Variants in CSMD1 observed in about 807,000 individuals in gnomAD.
CSMD1 encodes the protein CUB and Sushi multiple domains 1.
A neutral mutation model predicts 417.5 loss-of-function variants in CSMD1; 213 were observed. The observed-to-expected ratio is 0.51, with a 90% CI of 0.46 to 0.57. The LOEUF (loss-of-function observed/expected upper bound fraction) is 0.57, where lower values mean the gene tolerates loss of function less well. Among genes scored for constraint, CSMD1 ranks in the 20% least tolerant of loss-of-function variants. CSMD1 has a pLI of 0.00. For synonymous variants in CSMD1, 2,862 were observed against 1,736.8 expected (o/e 1.65, Z -16.11); for missense variants, 6,923 against 4,529.7 (o/e 1.53, Z -15.17).
At chr8:4,206,454 T>C (rs78497489) in intron 3 of CSMD1, among the ~76,000 whole-genome samples, 1 of 152,168 alleles carries the variant, frequency 6.6e-6, no homozygotes, top group South Asian at 2.1e-4. Flanking sequence ...TCTGTCCTTG[T>C]GATAGTTTGC....
intron 3 of CSMD1, among the ~76,000 whole-genome samples, chr8:4,297,101 C>T (rs1291292042): frequency 6.7e-6 from 1 of 149,988 alleles, no homozygotes; most frequent in African/African-American, 2.5e-5. Context: ...GACTCTAGAG[C>T]ATCGTAGGTG....
At chr8:4,393,491 A>G (rs1034961506) in intron 3 of CSMD1, among the ~76,000 whole-genome samples, 2 of 152,206 alleles carry the variant, frequency 1.3e-5, no homozygotes, top group African/African-American at 4.8e-5. Context: ...AGCAGCCACT[A>G]TGTAGATTTA....
intron 5 of CSMD1, among the ~76,000 whole-genome samples, chr8:3,930,071 C>G (rs907858409): frequency 2.0e-5 from 3 of 150,248 alleles, no homozygotes; most frequent in African/African-American, 7.4e-5. Flanking sequence ...GTTACCTAGG[C>G]ATGTTTTTCT....
chr8:3,243,510 T>C (rs1411847383), intron 26 of CSMD1, among the ~76,000 whole-genome samples: 1 of 151,708 alleles, frequency 6.6e-6, no homozygotes, highest in African/African-American at 2.4e-5. Context: ...GGTCACAAGA[T>C]GCTCAGCAGG....
At chr8:4,066,218 G>A (rs1032413914) in intron 3 of CSMD1, among the ~76,000 whole-genome samples, 1 of 152,170 alleles carries the variant, frequency 6.6e-6, no homozygotes, top group East Asian at 1.9e-4. Flanking sequence ...CCAGTCATGG[G>A]CAACGCCTCC....
At chr8:4,771,943 C>G (rs571374259) in intron 1 of CSMD1, among the ~76,000 whole-genome samples, 1 of 152,284 alleles carries the variant, frequency 6.6e-6, no homozygotes, top group African/African-American at 2.4e-5. Context: ...CCGGGGATCT[C>G]GTGATAATTC....
At chr8:3,725,172 C>T (rs1041579677) in intron 6 of CSMD1, among the ~76,000 whole-genome samples, 6 of 152,070 alleles carry the variant, frequency 3.9e-5, no homozygotes, top group Admixed American at 3.9e-4. Context: ...GAGCTGTGCC[C>T]TGAAGGCAAG....
At chr8:3,668,169 C>A (rs1585044856) in intron 7 of CSMD1, among the ~76,000 whole-genome samples, 1 of 152,108 alleles carries the variant, frequency 6.6e-6, no homozygotes, top group Admixed American at 6.6e-5. Flanking sequence ...TGCAGAGGGG[C>A]TGACCTCTGA....
At chr8:4,400,067 T>C (rs1804544402) in intron 3 of CSMD1, among the ~76,000 whole-genome samples, 1 of 152,156 alleles carries the variant, frequency 6.6e-6, no homozygotes, top group African/African-American at 2.4e-5. Context: ...AGTATCAGCA[T>C]GCCAAAAGAG....
chr8:3,676,976 G>C (rs186312773), intron 7 of CSMD1, among the ~76,000 whole-genome samples: 1 of 152,060 alleles, frequency 6.6e-6, no homozygotes, highest in Non-Finnish European at 1.5e-5. Flanking sequence ...ACACAGGGAG[G>C]GGAACATCAT....
chr8:4,054,693 G>A (rs954317365), intron 3 of CSMD1, among the ~76,000 whole-genome samples: 1 of 152,124 alleles, frequency 6.6e-6, no homozygotes, highest in Non-Finnish European at 1.5e-5. Context: ...GAATACATGT[G>A]AATTCCTGAG....
chr8:3,801,982 G>A (rs966585821), intron 5 of CSMD1, among the ~76,000 whole-genome samples: 2 of 152,048 alleles, frequency 1.3e-5, no homozygotes, highest in Non-Finnish European at 2.9e-5. Flanking sequence ...TTTTTTAGGG[G>A]TGATGAAAAT....
At chr8:4,357,226 G>A (rs998353882) in intron 3 of CSMD1, among the ~76,000 whole-genome samples, 2 of 152,132 alleles carry the variant, frequency 1.3e-5, no homozygotes, top group African/African-American at 4.8e-5. Flanking sequence ...AGTTGAAAGA[G>A]CCTCTTACGT....
intron 6 of CSMD1, among the ~76,000 whole-genome samples, chr8:3,716,580 C>T (rs2623568): frequency 6.6e-6 from 1 of 151,652 alleles, no homozygotes; most frequent in African/African-American, 2.4e-5. Flanking sequence ...GGGAGATTTG[C>T]GCCGGCTTCT....
intron 3 of CSMD1, among the ~76,000 whole-genome samples, chr8:4,119,438 G>A (rs566629132): frequency 6.6e-5 from 10 of 152,258 alleles, no homozygotes; most frequent in African/African-American, 2.2e-4. Flanking sequence ...ATATTGATGT[G>A]TCATGGACTG....
intron 5 of CSMD1, among the ~76,000 whole-genome samples, chr8:3,880,977 T>C (rs1806167272): frequency 6.6e-6 from 1 of 152,176 alleles, no homozygotes; most frequent in African/African-American, 2.4e-5. Context: ...TTTTAAGTAC[T>C]AGCAAAGGCA....
At chr8:4,156,218 C>A (rs1308974861) in intron 3 of CSMD1, among the ~76,000 whole-genome samples, 1 of 152,124 alleles carries the variant, frequency 6.6e-6, no homozygotes, top group Non-Finnish European at 1.5e-5. Flanking sequence ...ACTGTGATAT[C>A]CTTGGGGTGG....
chr8:3,905,077 T>C (rs1382058997), intron 5 of CSMD1, among the ~76,000 whole-genome samples: 1 of 152,216 alleles, frequency 6.6e-6, no homozygotes, highest in Non-Finnish European at 1.5e-5. Context: ...GACCTATGTG[T>C]ATCCAAATGT....
chr8:3,050,291 C>G (rs143315261), intron 50 of CSMD1, among the ~76,000 whole-genome samples: 2,433 of 152,210 alleles, frequency 0.016, 23 homozygotes, highest in East Asian at 0.032. Flanking sequence ...AGTAGAATTC[C>G]AACTTCAAAT....
Sources: gnomAD v4.1 joint callset for allele counts (sites outside exome capture counted in the v4.1 genomes callset) on GRCh38, gnomAD v4.1.1 for gene constraint, MANE v1.5 for transcripts, NCBI Gene and HGNC (gene_info 2026-07-23, HGNC 2026-07-21) for gene names.